LAMB4: variants seen among roughly 807,000 people sequenced by gnomAD.
LAMB4 encodes the protein laminin subunit beta-4.
A neutral mutation model predicts 199.2 loss-of-function variants in LAMB4; 196 were observed. The ratio of observed to expected loss-of-function variants is 0.98; its 90% CI spans 0.88 to 1.11. LAMB4 has a LOEUF of 1.11. Among genes scored for constraint, LAMB4 ranks in the 50% least tolerant of loss-of-function variants. LAMB4 has a pLI of 0.00. For missense variants in LAMB4, 2,080 were observed against 2,171.2 expected (o/e 0.96, Z 0.83); for synonymous variants, 744 against 770.6 (o/e 0.97, Z 0.57).
intron 33 of LAMB4, among the ~76,000 whole-genome samples, 192 bp downstream of exon 33, chr7:108,028,851 C>T (rs572440208): frequency 3.3e-5 from 5 of 152,280 alleles, no homozygotes; most frequent in African/African-American, 1.2e-4. Context: ...GCTCATTAAC[C>T]TTTCTAGGCA....
intron 14 of LAMB4, among the ~76,000 whole-genome samples, chr7:108,081,108 C>T (rs994338101): frequency 3.3e-5 from 5 of 152,038 alleles, no homozygotes; most frequent in Non-Finnish European, 7.4e-5. Flanking sequence ...GGCGACAGAG[C>T]GAGGAATAAA....
At chr7:108,126,077 C>G (rs117995389) in intron 1 of LAMB4, among the ~76,000 whole-genome samples, 1 of 152,162 alleles carries the variant, frequency 6.6e-6, no homozygotes, top group Non-Finnish European at 1.5e-5. Context: ...ATCACAGTTG[C>G]TATGTGAAGA....
intron 28 of LAMB4, among the ~76,000 whole-genome samples, chr7:108,046,543 A>G (rs2035632439): frequency 6.6e-6 from 1 of 152,042 alleles, no homozygotes; most frequent in Non-Finnish European, 1.5e-5. Flanking sequence ...GGAGCACACC[A>G]CTATCCTGTT....
At chr7:108,022,942 G>T (rs1190417005), downstream of LAMB4, among the ~76,000 whole-genome samples, 1 of 152,032 alleles carries the variant, frequency 6.6e-6, no homozygotes, top group Admixed American at 6.6e-5. Flanking sequence ...CCTCTGAGTA[G>T]CTGGGATTAC....
At chr7:108,116,943 G>A (rs1255939391) in intron 2 of LAMB4, among the ~76,000 whole-genome samples, 2 of 152,250 alleles carry the variant, frequency 1.3e-5, no homozygotes, top group African/African-American at 4.8e-5. Context: ...AAGCTGAGGC[G>A]GGAGGATTGC....
chr7:108,129,062 A>T (rs1444041110), intron 1 of LAMB4, among the ~76,000 whole-genome samples: 2 of 152,190 alleles, frequency 1.3e-5, no homozygotes, highest in Non-Finnish European at 2.9e-5. Flanking sequence ...TGGCATTGCT[A>T]ATTTATTTAA....
chr7:108,058,924 T>A (rs1379355212), intron 23 of LAMB4, among the ~76,000 whole-genome samples: 1 of 152,162 alleles, frequency 6.6e-6, no homozygotes, highest in East Asian at 1.9e-4. Context: ...CCCAAAGTGC[T>A]GGGATTACCC....
At position 108,127,185 on chromosome 7, in the gene LAMB4, T is replaced by TG. The variant is rs113705332; in HGVS notation, c.-34+3120_-34+3121insC. On this transcript the variant is annotated intron_variant, in intron 1 of 33. Coordinates refer to ENST00000388781, the MANE Select transcript of LAMB4 (RefSeq NM_007356.3). ...ATTAAAATCACCAGGGTTTTTTTTTTTGTGTTTTTTTTTTTTTTTTGAATC... is the reference window on the plus strand; with the variant it reads ...ATTAAAATCACCAGGGTTTTTTTTTTGTGTGTTTTTTTTTTTTTTTTGAATC... 8.3e-4 allele frequency among the ~76,000 whole-genome samples: 57 copies of TG among 69,058 alleles called. No homozygotes were observed. In the South Asian group the frequency reaches 0.021, roughly 25 times the overall value. 45.3% of individuals were successfully genotyped at this position (69,058 alleles called of 152,430 possible).
chr7:108,078,298 C>T lies in LAMB4; in HGVS notation c.1906G>A (p.Val636Ile), dbSNP rs749066891. ...YETQSAADWT[V>I]QIVVNPPGGS... ...CCAGGGGGGTTCACCACAATCTGGACAGTCCAGTCAGCTGCAGACTAGACA... is the reference window on the plus strand; with the variant it reads ...CCAGGGGGGTTCACCACAATCTGGATAGTCCAGTCAGCTGCAGACTAGACA... Residue 636 changes from valine to isoleucine, a missense_variant, in exon 16 of 34, where the codon GTC (valine) becomes ATC (isoleucine). Val to Ile is a conservative substitution (Grantham distance 29, BLOSUM62 3). Coordinates refer to ENST00000388781, the MANE Select transcript of LAMB4 (RefSeq NM_007356.3). 9.3e-6 allele frequency: 15 copies of T among 1,604,310 alleles called. No individual in the cohort carries two copies. The South Asian group carries it at 1.7e-4, about 18-fold the overall frequency.
chr7:108,097,715 CAAATAAAT>C (rs60046996), intron 11 of LAMB4, among the ~76,000 whole-genome samples: 1 of 151,572 alleles, frequency 6.6e-6, no homozygotes, highest in Admixed American at 6.6e-5. Flanking sequence ...CTCCGTCTCA[CAAATAAAT>C]AAATAAATAA....
intron 10 of LAMB4, among the ~76,000 whole-genome samples, chr7:108,100,159 T>C (rs1262078972): frequency 6.6e-6 from 1 of 152,184 alleles, no homozygotes; most frequent in East Asian, 1.9e-4. Flanking sequence ...AAATGTTCTT[T>C]GAAATAGCCT....
At chr7:108,108,565 G>A (rs1212800575) in intron 5 of LAMB4, among the ~76,000 whole-genome samples, 2 of 151,782 alleles carry the variant, frequency 1.3e-5, no homozygotes, top group South Asian at 2.1e-4. Context: ...CGCTAATTCT[G>A]TACTTATCAC....
At chr7:108,037,219 C>T (rs556525550) in intron 30 of LAMB4, among the ~76,000 whole-genome samples, 169 bp downstream of exon 30, 1 of 152,182 alleles carries the variant, frequency 6.6e-6, no homozygotes, top group South Asian at 2.1e-4. Flanking sequence ...CACCGAGTCA[C>T]TCAGCTTCCC....
At chr7:108,123,926 A>G (rs1476881896) in intron 1 of LAMB4, among the ~76,000 whole-genome samples, 2 of 152,176 alleles carry the variant, frequency 1.3e-5, no homozygotes, top group African/African-American at 4.8e-5. Flanking sequence ...TCCATCCCCA[A>G]GTTACCATTG....
At chr7:108,066,130 G>A (rs1177752893) in intron 20 of LAMB4, among the ~76,000 whole-genome samples, 1 of 152,172 alleles carries the variant, frequency 6.6e-6, no homozygotes, top group African/African-American at 2.4e-5. Flanking sequence ...CGATTTACAT[G>A]TCACATTTGA....
At chr7:108,129,257 GAC>G (rs1406328649) in intron 1 of LAMB4, among the ~76,000 whole-genome samples, 1 of 152,092 alleles carries the variant, frequency 6.6e-6, no homozygotes, top group African/African-American at 2.4e-5. Flanking sequence ...CCGCAGGAAA[GAC>G]ATGCATTCCG....
chr7:108,113,573 T>C (rs2038305610), intron 3 of LAMB4, among the ~76,000 whole-genome samples: 1 of 152,228 alleles, frequency 6.6e-6, no homozygotes, highest in Admixed American at 6.5e-5. Flanking sequence ...CAGTGACCAG[T>C]AGAAGCTTTG....
chr7:108,044,717 C>T (rs1051474835), intron 28 of LAMB4, among the ~76,000 whole-genome samples: 4 of 152,196 alleles, frequency 2.6e-5, no homozygotes, highest in Admixed American at 2.0e-4. Context: ...CTTTGGGAGG[C>T]CAAGGCAGAC....
At chr7:108,015,159 G>A in the LAMB4 span, among the ~76,000 whole-genome samples, 32,837 of 152,142 alleles carry the variant, frequency 0.22, 6,017 homozygotes, top group African/African-American at 0.51. Context: ...TTGTTCTCTT[G>A]ATCCTGAATA....
Sources: allele counts gnomAD v4.1 joint callset (sites outside exome capture counted in the v4.1 genomes callset), GRCh38; gene constraint gnomAD v4.1.1; transcripts MANE v1.5; gene names NCBI Gene and HGNC (gene_info 2026-07-23, HGNC 2026-07-21).